Variants in SPEG observed in about 807,000 individuals in gnomAD.
SPEG encodes the protein striated muscle preferentially expressed protein kinase.
In SPEG, 114 loss-of-function variants were observed where a neutral mutation model predicts 300.4. That is an observed-to-expected ratio of 0.38 (90% CI 0.33 to 0.44). SPEG has a LOEUF of 0.44. Among genes scored for constraint, SPEG ranks in the 20% least tolerant of loss-of-function variants. The pLI is 1.00. For synonymous variants in SPEG, 1,964 were observed against 2,018.9 expected (o/e 0.97, Z 0.73); for missense variants, 4,201 against 4,586.2 (o/e 0.92, Z 2.43).
Position 219,479,035 on chromosome 2 carries a change from C to A in SPEG, c.5028-109C>A. ...GAGGCAGTCTCTGGCTAGTATCAAG[C>A]ATTCTGTAAGGGGAAGGAGAACCCC... On this transcript the variant is annotated intron_variant, in intron 22 of 40. Coordinates refer to ENST00000312358, the MANE Select transcript of SPEG (RefSeq NM_005876.5). This position sits in a 1 kb window ranked among gnomAD's most constrained non-coding sequence, Gnocchi z 5.5. 1.1e-6 allele frequency: 1 copy of A among 923,894 alleles called. No homozygotes were observed. The highest frequency in any genetic ancestry group is 1.7e-6 in the Non-Finnish European group (1 of 579,918). 57.2% of individuals were successfully genotyped at this position (923,894 alleles called of 1,614,324 possible). A position where few individuals can be genotyped will look rare whatever the true frequency, so the allele number is the denominator to read the frequency against.
rs768459763 is a variant in SPEG, at chr2:219,439,292, A to T, written c.388+3927A>T. Among the ~76,000 whole-genome samples the T allele has an allele frequency of 2.0e-5, 3 of 152,156 alleles. No individual in the cohort carries two copies. The highest frequency in any genetic ancestry group is 4.8e-5 in the African/African-American group (2 of 41,430). ...CCCCTCCCATATTTATTGAGTGCCT[A>T]CTATGTGCTTTTGATACACGAGTCA... On this transcript the variant is annotated intron_variant, in intron 1 of 40. Transcript: ENST00000312358. This position sits in a 1 kb window ranked among gnomAD's most constrained non-coding sequence, Gnocchi z 4.5.
chr2:219,466,680 C>G (rs886644131), intron 9 of SPEG: 3 of 1,000,286 alleles, frequency 3.0e-6, no homozygotes, highest in Non-Finnish European at 3.6e-6. Context: ...GAGCCCTGGC[C>G]CTGGCAGGTT....
chr2:219,472,813 C>G (rs1692002703), intron 15 of SPEG, 77 bp from the exon 16 acceptor site: 2 of 1,278,150 alleles, frequency 1.6e-6, no homozygotes, highest in Non-Finnish European at 2.2e-6. Context: ...TGATGAGTTC[C>G]AGGGTCCCGG....
In SPEG at chr2:219,472,235, CCAGGCCCTCCAGATGGCGCCCCG is replaced by C. The variant is rs759159637; in HGVS notation, c.3849_3871del (p.Pro1284GlyfsTer60). ...CGAACTGCGGCTTTCAGATGTGGTC[CCAGGCCCTCCAGATGGCGCCCCG>C]CAGGTGGTGGCTGTGACGGGGAGGA... On this transcript the variant is annotated frameshift_variant, in exon 15 of 41. Transcript: ENST00000312358. LOFTEE classifies it high-confidence loss of function. 1 of 1,613,738 alleles carries C rather than the reference CCAGGCCCTCCAGATGGCGCCCCG, an allele frequency of 6.2e-7. No individual in the cohort carries two copies.
intron 6 of SPEG, among the ~76,000 whole-genome samples, chr2:219,453,361 G>A (rs571757786): frequency 5.3e-5 from 8 of 152,354 alleles, no homozygotes; most frequent in East Asian, 3.9e-4. Context: ...CCGTCCTCAC[G>A]GATGAAAGCG....
chr2:219,492,201 C>T lies in SPEG; in HGVS notation c.9552C>T (p.Tyr3184=), dbSNP rs1054633752. 5 of 1,613,612 alleles carry T rather than the reference C, an allele frequency of 3.1e-6. No homozygotes were observed. Among genetic ancestry groups the T allele is most frequent in the Non-Finnish European group, 4.2e-6 (5 of 1,179,918 alleles). Residue 3184 remains tyrosine, a synonymous_variant, in exon 40 of 41, where the codon TAC becomes TAT. Transcript: ENST00000312358. ...GCCGCTTTGATGCCTTCCAGCTGTA[C>T]CCCAATACATCCCAGAGCGCCACCC... The part of the protein sequence containing the change: ...VGGRFDAFQL[Y]PNTSQSATLF...
In SPEG at chr2:219,484,011, C is replaced by G. The variant is rs1367919383; in HGVS notation, c.6548C>G (p.Ala2183Gly). The G allele has an allele frequency of 6.2e-7, 1 of 1,612,978 alleles. No homozygotes were observed. The highest frequency in any genetic ancestry group is 2.2e-5 in the East Asian group (1 of 44,838). Residue 2183 changes from alanine to glycine, a missense_variant, in exon 30 of 41, where the codon GCC (alanine) becomes GGC (glycine). Physicochemically the swap from Ala to Gly is moderately conservative, Grantham distance 60. Around this residue, in one of 4 missense-constraint regions of SPEG, gnomAD observed 1,578 missense variants for 1,506.0 expected, o/e 1.05. Coordinates refer to ENST00000312358, the MANE Select transcript of SPEG (RefSeq NM_005876.5). Reference sequence around the variant, plus strand: ...CCATCCAGCCCTGCACGGCCCAGCGCCCCCAAACCCAGTACCCCTAAGTCT... The same window carrying G: ...CCATCCAGCCCTGCACGGCCCAGCGGCCCCAAACCCAGTACCCCTAAGTCT... ...AQPSSPARPS[A>G]PKPSTPKSAE...
At chr2:219,489,019 C>T in intron 34 of SPEG, 35 bp from the exon 35 acceptor site, 1 of 1,611,048 alleles carries the variant, frequency 6.2e-7, no homozygotes, top group South Asian at 1.1e-5. Context: ...GCCACCGCTT[C>T]TGTGACCTCA....
At position 219,444,665 on chromosome 2, in the gene SPEG, C is replaced by T. The variant is rs747013678; in HGVS notation, c.401C>T (p.Ala134Val). 4.3e-6 allele frequency: 7 copies of T among 1,614,012 alleles called. No individual in the cohort carries two copies. The East Asian group carries it at 1.6e-4, about 36-fold the overall frequency. The change falls in exon 2 of 41, where the codon GCT becomes GTT. Residue 134 changes from alanine to valine, a missense_variant. Physicochemically the swap from Ala to Val is moderately conservative, Grantham distance 64 (BLOSUM62 0). Transcript: ENST00000312358. The surrounding 1 kb of genome is among the most constrained non-coding windows in gnomAD (Gnocchi z 7.8). ...CCTTCTTCTCCAGACTCAGAGACGGCTGAGGATGACATCAGCGATGTGCAG... is the reference window on the plus strand; with the variant it reads ...CCTTCTTCTCCAGACTCAGAGACGGTTGAGGATGACATCAGCGATGTGCAG... ...TVLEVGDSET[A>V]EDDISDVQGT...
At position 219,489,837 on chromosome 2, in the gene SPEG, G is replaced by T. The variant is rs769317364; in HGVS notation, c.8819G>T (p.Ser2940Ile). ...CTCAGCCCGGCCAAGGAGGTGGTCA[G>T]CTCCCCTGGGAGCAGTCCCCGAAGC... ...QSLSPAKEVVSSPGSSPRSSP... is the reference protein window; with the variant it reads ...QSLSPAKEVVISPGSSPRSSP... Residue 2940 changes from serine (S) to isoleucine (I), a missense_variant, in exon 36 of 41, where the codon AGC becomes ATC. Around this residue, in one of 4 missense-constraint regions of SPEG, gnomAD observed 1,578 missense variants for 1,506.0 expected, o/e 1.05. Transcript: ENST00000312358. The T allele has an allele frequency of 1.5e-5, 25 of 1,613,416 alleles. No individual in the cohort carries two copies. In the Middle Eastern group the frequency reaches 1.3e-3, roughly 85 times the overall value.
rs1339484634 is a variant in SPEG at position 219,484,981 on chromosome 2, T to A, written c.7518T>A (p.Leu2506=). The A allele has an allele frequency of 1.8e-5, 27 of 1,530,686 alleles. No individual in the cohort carries two copies. The Middle Eastern group carries it at 6.5e-4, about 37-fold the overall frequency. The allele number at this position is 1,530,686 out of a possible 1,614,324, so 94.8% of individuals were successfully genotyped here. A position where few individuals can be genotyped will look rare whatever the true frequency, so the allele number is the denominator to read the frequency against. Residue 2506 remains leucine (L), a synonymous_variant, in exon 30 of 41, where the codon CTT becomes CTA. Coordinates refer to ENST00000312358, the MANE Select transcript of SPEG (RefSeq NM_005876.5). ...GCGAGAGTCTGCGGCGCCTTGGCCT[T>A]CCGCACAACCAGTTGGCCGCCCAGG... The part of the protein sequence containing the change: ...SEGESLRRLG[L]PHNQLAAQAG...
At position 219,490,363 on chromosome 2, in the gene SPEG, C is replaced by A. The variant is rs764336174; in HGVS notation, c.8922-46C>A. On this transcript the variant is annotated intron_variant, in intron 36 of 40. Coordinates refer to ENST00000312358, the MANE Select transcript of SPEG (RefSeq NM_005876.5). ...GTTAGCCCTCACTATGGAAGTGTCC[C>A]CCTCCTCTCCTCTGAGCCGGTGGTG... 3 of 1,583,880 alleles carry A rather than the reference C, an allele frequency of 1.9e-6. 1 individual carries two copies. The South Asian group carries it at 3.4e-5, about 18-fold the overall frequency.
At chr2:219,466,386 A>G (rs1207121143) in intron 9 of SPEG, 10 of 1,364,524 alleles carry the variant, frequency 7.3e-6, no homozygotes, top group Non-Finnish European at 9.4e-6. Flanking sequence ...GGGCGAGTGC[A>G]TGTGCTACTG....
chr2:219,479,573 T>C lies in SPEG; in HGVS notation c.5086-210T>C, dbSNP rs1161436529. 6.6e-6 allele frequency among the ~76,000 whole-genome samples: 1 copy of C among 152,204 alleles called. No homozygotes were observed. The highest frequency in any genetic ancestry group is 2.4e-5 in the African/African-American group (1 of 41,454). ...GTTGTGCACTGCACAATTCTACTTA[T>C]TACCACGCAATGGCTCCTCCCTATA... On this transcript the variant is annotated intron_variant, in intron 23 of 40. Transcript: ENST00000312358. The surrounding 1 kb of genome is among the most constrained non-coding windows in gnomAD (Gnocchi z 5.5).
In SPEG at chr2:219,477,844, G is replaced by A; in HGVS notation, c.4826+59G>A. The A allele has an allele frequency of 6.3e-7, 1 of 1,598,912 alleles. No homozygotes were observed. The highest frequency in any genetic ancestry group is 8.6e-7 in the Non-Finnish European group (1 of 1,168,564). On this transcript the variant is annotated intron_variant, in intron 21 of 40. Transcript: ENST00000312358. This position sits in a 1 kb window ranked among gnomAD's most constrained non-coding sequence, Gnocchi z 6.4. Reference sequence around the variant, plus strand: ...AGAGAGGCTGCTGGGTCTGAGGGTTGGGAGGGGTGGAGAGGGCCACAGTGA... The same window carrying A: ...AGAGAGGCTGCTGGGTCTGAGGGTTAGGAGGGGTGGAGAGGGCCACAGTGA...
At chr2:219,438,959 G>C (rs1018953883) in intron 1 of SPEG, among the ~76,000 whole-genome samples, 1 of 152,216 alleles carries the variant, frequency 6.6e-6, no homozygotes, top group African/African-American at 2.4e-5. Context: ...TGTCTGGCTA[G>C]AGAAGCCAGG....
chr2:219,477,363 C>A lies in SPEG; in HGVS notation c.4647C>A (p.Ala1549=), dbSNP rs762855812. The change falls in exon 20 of 41, where the codon GCC becomes GCA. Residue 1549 remains alanine, a synonymous_variant. Coordinates refer to ENST00000312358, the MANE Select transcript of SPEG (RefSeq NM_005876.5). This position sits in a 1 kb window ranked among gnomAD's most constrained non-coding sequence, Gnocchi z 6.4. ...ECSLVVLSTG[A]QDGGVYTCTA... ...CCCTGGTGGTGCTCAGCACGGGGGCCCAGGATGGAGGCGTCTACACCTGCA... is the reference window on the plus strand; with the variant it reads ...CCCTGGTGGTGCTCAGCACGGGGGCACAGGATGGAGGCGTCTACACCTGCA... The A allele has an allele frequency of 3.7e-6, 6 of 1,612,880 alleles. No homozygotes were observed. The South Asian group carries it at 6.6e-5, about 18-fold the overall frequency.
chr2:219,445,073 T>C lies in SPEG; in HGVS notation c.727T>C (p.Trp243Arg), dbSNP rs780597149. The change falls in exon 3 of 41, where the codon TGG becomes CGG. Residue 243 changes from tryptophan (W) to arginine (R), a missense_variant. Around this residue, in one of 4 missense-constraint regions of SPEG, gnomAD observed 1,258 missense variants for 1,293.9 expected, o/e 0.97. Transcript: ENST00000312358. The surrounding 1 kb of genome is among the most constrained non-coding windows in gnomAD (Gnocchi z 6.1). ...ASRANLVGAS[W>R]GSEDSLSVAS... The stretch of plus-strand genomic sequence containing the variant: ...TCGAGCTAATCTGGTGGGCGCAAGC[T>C]GGGGGTCAGAGGATAGCCTTTCCGT... 2 of 1,606,052 alleles carry C rather than the reference T, an allele frequency of 1.2e-6. No individual in the cohort carries two copies. The highest frequency in any genetic ancestry group is 2.7e-5 in the African/African-American group (2 of 74,820).
chr2:219,478,146 A>G (rs1437414656), intron 22 of SPEG, 41 bp downstream of exon 22: 4 of 1,541,622 alleles, frequency 2.6e-6, no homozygotes, highest in Non-Finnish European at 3.6e-6. Flanking sequence ...ATCCATGCCT[A>G]AATGACTGGT....
Sources: gnomAD v4.1 joint callset for allele counts (sites outside exome capture counted in the v4.1 genomes callset) on GRCh38, gnomAD v4.1.1 for gene constraint, gnomAD v4.1.1 regional missense constraint, Gnocchi (gnomAD v3.1) non-coding constraint, MANE v1.5 for transcripts, NCBI Gene and HGNC (gene_info 2026-07-23, HGNC 2026-07-21) for gene names.